The following ABI2 variants were observed in gnomAD, a reference collection of about 807,000 sequenced individuals.
The protein encoded by ABI2 is abelson interactor 2.
Under a neutral mutation model 59.2 loss-of-function variants are expected in ABI2, and 25 were observed. The observed-to-expected ratio is 0.42, with a 90% CI of 0.31 to 0.59. The LOEUF is 0.59. Ranked by LOEUF, ABI2 falls within the 20% of genes least tolerant of loss-of-function variation. The pLI is 0.14. For synonymous variants in ABI2, 213 were observed against 235.5 expected, an observed-to-expected ratio of 0.90 and a Z score of 0.87; for missense variants, 545 against 681.8, an observed-to-expected ratio of 0.80 and a Z score of 2.23.
chr2:203,374,107 C>G (rs1030847301), intron 2 of ABI2, among the ~76,000 whole-genome samples: 13 of 152,110 alleles, frequency 8.5e-5, no homozygotes, highest in African/African-American at 2.9e-4. Context: ...TGCAGTGAGC[C>G]ATGTTCATGC....
At chr2:203,390,285 T>C (rs2096691758) in intron 4 of ABI2, among the ~76,000 whole-genome samples, 1 of 152,242 alleles carries the variant, frequency 6.6e-6, no homozygotes, top group Non-Finnish European at 1.5e-5. Flanking sequence ...ATATGCATAG[T>C]TGCATATTTT....
chr2:203,359,326 T>G (rs558203376), intron 1 of ABI2, among the ~76,000 whole-genome samples: 1 of 152,306 alleles, frequency 6.6e-6, no homozygotes, highest in African/African-American at 2.4e-5. Flanking sequence ...TGATAGAATT[T>G]TCACTGATTA....
intron 1 of ABI2, among the ~76,000 whole-genome samples, chr2:203,341,822 A>G (rs1429683041): frequency 6.6e-6 from 1 of 152,250 alleles, no homozygotes; most frequent in Non-Finnish European, 1.5e-5. Flanking sequence ...TAATGTAGAT[A>G]TGGCCAACAG....
intron 1 of ABI2, chr2:203,351,696 C>T (rs536910224): frequency 1.0e-4 from 33 of 318,910 alleles, no homozygotes; most frequent in Middle Eastern, 1.0e-3. Context: ...CTACTGTGCC[C>T]GGCTGATTTT....
At chr2:203,415,343 C>T (rs894255602) in intron 10 of ABI2, among the ~76,000 whole-genome samples, 15 of 152,130 alleles carry the variant, frequency 9.9e-5, no homozygotes, top group Middle Eastern at 3.4e-3. Flanking sequence ...ATTCACCGGG[C>T]GCGGTGGCTC....
chr2:203,356,400 G>A (rs1374590573), intron 1 of ABI2, among the ~76,000 whole-genome samples: 3 of 151,994 alleles, frequency 2.0e-5, no homozygotes, highest in South Asian at 2.1e-4. Context: ...ACAGAGTCTC[G>A]CTCTGTTGCC....
chr2:203,340,326 C>A (rs1029510186), intron 1 of ABI2, among the ~76,000 whole-genome samples: 1 of 151,728 alleles, frequency 6.6e-6, no homozygotes, highest in South Asian at 2.1e-4. Flanking sequence ...TGTGTAGTAA[C>A]TATAGTTAAT....
chr2:203,375,821 T>G, intron 2 of ABI2: 1 of 328,228 alleles, frequency 3.0e-6, no homozygotes. Context: ...TGGACCAACC[T>G]GAGAATCTTC....
At chr2:203,346,848 C>T (rs1016449650) in intron 1 of ABI2, among the ~76,000 whole-genome samples, 5 of 152,160 alleles carry the variant, frequency 3.3e-5, no homozygotes, top group Non-Finnish European at 5.9e-5. Context: ...ATCTTATATT[C>T]TTGCAGTGCT....
At chr2:203,365,237 G>A (rs1418416832) in intron 1 of ABI2, among the ~76,000 whole-genome samples, 1 of 152,042 alleles carries the variant, frequency 6.6e-6, no homozygotes, top group Non-Finnish European at 1.5e-5. Flanking sequence ...GAATTATGAT[G>A]ATTATGTTCA....
chr2:203,378,276 C>G (rs551273988), intron 2 of ABI2, among the ~76,000 whole-genome samples: 1 of 152,062 alleles, frequency 6.6e-6, no homozygotes, highest in South Asian at 2.1e-4. Context: ...CCATGCCCGG[C>G]TAATTTTTGT....
At chr2:203,412,387 C>T (rs890256341) in intron 10 of ABI2, among the ~76,000 whole-genome samples, 25 of 152,172 alleles carry the variant, frequency 1.6e-4, no homozygotes, top group African/African-American at 6.0e-4. Flanking sequence ...CTTTTATCAG[C>T]ACATTCTTCT....
At chr2:203,378,184 C>G (rs551316783) in intron 2 of ABI2, among the ~76,000 whole-genome samples, 10 of 151,462 alleles carry the variant, frequency 6.6e-5, no homozygotes, top group Non-Finnish European at 1.3e-4. Flanking sequence ...ACAATCTCGG[C>G]TCATTGCAAG....
chr2:203,342,211 T>G (rs1355914438), intron 1 of ABI2: 1 of 456,370 alleles, frequency 2.2e-6, no homozygotes, highest in African/African-American at 2.0e-5. Context: ...TGAGCATCTT[T>G]CCATTCTGTG....
chr2:203,345,372 A>G (rs536909994), intron 1 of ABI2, among the ~76,000 whole-genome samples: 59 of 152,296 alleles, frequency 3.9e-4, no homozygotes, highest in African/African-American at 1.4e-3. Flanking sequence ...AACTCCGGAC[A>G]CACCATCTTT....
chr2:203,347,312 T>C (rs2084293730), intron 1 of ABI2, among the ~76,000 whole-genome samples: 1 of 152,232 alleles, frequency 6.6e-6, no homozygotes, highest in South Asian at 2.1e-4. Flanking sequence ...GTTTTGTTCA[T>C]AGATAAAGGT....
At chr2:203,372,757 G>A (rs2153084513) in intron 2 of ABI2, among the ~76,000 whole-genome samples, 1 of 151,666 alleles carries the variant, frequency 6.6e-6, no homozygotes, top group African/African-American at 2.4e-5. Context: ...CTCAGACGGG[G>A]CGGTTGCCAG....
rs59156204 is a variant in ABI2, at chr2:203,395,448, TACACACACAC to T, written c.726-180_726-171del. On this transcript the variant is annotated intron_variant, in intron 6 of 11. Coordinates refer to ENST00000261018, the MANE Select transcript of ABI2 (RefSeq NM_001375670.1). The stretch of plus-strand genomic sequence containing the variant: ...TAATAAGTAAATATATATATATATA[TACACACACAC>T]ACACACACACACACACACACACACA... Among the ~76,000 whole-genome samples the T allele has an allele frequency of 1.0e-4, 12 of 115,316 alleles. No homozygotes were observed. The South Asian group carries it at 1.7e-3, about 16-fold the overall frequency. The allele number at this position is 115,316 out of a possible 152,430, so 75.7% of individuals were successfully genotyped here.
intron 6 of ABI2, chr2:203,395,105 T>G (rs552854940): frequency 1.1e-5 from 8 of 704,518 alleles, no homozygotes; most frequent in African/African-American, 1.0e-4. Flanking sequence ...AAAAAAATTA[T>G]GGACCAAATG....
Sources: gnomAD v4.1 joint callset for allele counts (sites outside exome capture counted in the v4.1 genomes callset) on GRCh38, gnomAD v4.1.1 for gene constraint, MANE v1.5 for transcripts, NCBI Gene and HGNC (gene_info 2026-07-23, HGNC 2026-07-21) for gene names.